Variants in PDCD1LG2 observed in about 807,000 individuals in gnomAD.
PDCD1LG2 encodes programmed cell death 1 ligand 2.
PDCD1LG2 carries 32 observed loss-of-function variants against 28.2 expected under a neutral mutation model. The observed-to-expected ratio is 1.13, with a 90% CI of 0.86 to 1.52. The LOEUF (loss-of-function observed/expected upper bound fraction) is 1.52, where lower values mean the gene tolerates loss of function less well. Ranked by LOEUF, PDCD1LG2 falls within the 40% of genes most tolerant of loss-of-function variation. PDCD1LG2 has a pLI of 0.00. For synonymous variants in PDCD1LG2, 116 were observed against 120.2 expected (o/e 0.97, Z 0.23); for missense variants, 385 against 323.8 (o/e 1.19, Z -1.45).
At chr9:5,558,429 T>C (rs1296486041) in intron 5 of PDCD1LG2, among the ~76,000 whole-genome samples, 4 of 152,218 alleles carry the variant, frequency 2.6e-5, no homozygotes, top group African/African-American at 9.7e-5. Flanking sequence ...TTTGGTTTCC[T>C]GGGTGGAGCC....
chr9:5,517,161 A>T (rs894006716), intron 1 of PDCD1LG2, among the ~76,000 whole-genome samples: 1 of 152,228 alleles, frequency 6.6e-6, no homozygotes, highest in African/African-American at 2.4e-5. Context: ...GGGAGAAAAG[A>T]TGACTAAGGA....
chr9:5,524,598 AAT>A (rs1441086559), intron 2 of PDCD1LG2, among the ~76,000 whole-genome samples: 1 of 152,026 alleles, frequency 6.6e-6, no homozygotes, highest in Non-Finnish European at 1.5e-5. Context: ...ATGTCTCTTT[AAT>A]TAAAGAGTTT....
intron 2 of PDCD1LG2, among the ~76,000 whole-genome samples, chr9:5,526,990 G>A (rs766742078): frequency 6.6e-6 from 1 of 151,116 alleles, no homozygotes; most frequent in African/African-American, 2.4e-5. Flanking sequence ...AGACTGTGAT[G>A]AAAGTTGCCT....
intron 1 of PDCD1LG2, among the ~76,000 whole-genome samples, chr9:5,521,570 G>A (rs907276975): frequency 6.6e-6 from 1 of 152,086 alleles, no homozygotes; most frequent in Non-Finnish European, 1.5e-5. Context: ...CGATCTCACT[G>A]CTTGTAATCT....
At chr9:5,534,558 G>A (rs1194055245) in intron 2 of PDCD1LG2, among the ~76,000 whole-genome samples, 187 bp from the exon 3 acceptor site, 3 of 152,150 alleles carry the variant, frequency 2.0e-5, no homozygotes, top group Non-Finnish European at 4.4e-5. Context: ...TCAGATCAGC[G>A]GGTCAAGAAT....
At chr9:5,560,514 C>A (rs1451282913) in intron 5 of PDCD1LG2, among the ~76,000 whole-genome samples, 1 of 152,214 alleles carries the variant, frequency 6.6e-6, no homozygotes, top group Non-Finnish European at 1.5e-5. Flanking sequence ...GGTTCCCCAA[C>A]ACATGCTCTG....
intron 1 of PDCD1LG2, among the ~76,000 whole-genome samples, chr9:5,514,772 G>GAAAAAAAAAAAAAAAAAA (rs60002651): frequency 3.2e-5 from 2 of 62,376 alleles, no homozygotes; most frequent in Non-Finnish European, 3.3e-5. Context: ...AGTCTCTAAA[G>GAAAAAAAAAAAAAAAAAA]AAAAAAAAAA....
intron 3 of PDCD1LG2, among the ~76,000 whole-genome samples, chr9:5,535,727 A>G (rs1191267105): frequency 6.6e-6 from 1 of 152,130 alleles, no homozygotes; most frequent in Admixed American, 6.5e-5. Flanking sequence ...GAAGTAGCTG[A>G]GATCCAGAGA....
chr9:5,569,542 G>A lies in PDCD1LG2; in HGVS notation c.817-412G>A, dbSNP rs1419881186. On this transcript the variant is annotated intron_variant, in intron 6 of 6. Coordinates refer to ENST00000397747, the MANE Select transcript of PDCD1LG2 (RefSeq NM_025239.4). The surrounding 1 kb of genome is among the most constrained non-coding windows in gnomAD (Gnocchi z 4.1). Reference sequence around the variant, plus strand: ...AGCCCAGTCAAAGACAGAGGGAGGAGCCCAGTGATGCAGTCTGCAATGTCA... The same window carrying A: ...AGCCCAGTCAAAGACAGAGGGAGGAACCCAGTGATGCAGTCTGCAATGTCA... 1.3e-5 allele frequency among the ~76,000 whole-genome samples: 2 copies of A among 152,178 alleles called. No homozygotes were observed. Among genetic ancestry groups the A allele is most frequent in the Non-Finnish European group, 2.9e-5 (2 of 68,040 alleles).
At chr9:5,557,527 C>T (rs568007978) in intron 4 of PDCD1LG2, 91 bp from the exon 5 acceptor site, 52 of 1,434,360 alleles carry the variant, frequency 3.6e-5, no homozygotes, top group Middle Eastern at 2.2e-4. Flanking sequence ...CAGAGCTAGC[C>T]GTGTTGGCTG....
intron 2 of PDCD1LG2, among the ~76,000 whole-genome samples, chr9:5,533,815 C>T (rs929887593): frequency 4.0e-5 from 6 of 151,602 alleles, no homozygotes; most frequent in African/African-American, 1.2e-4. Context: ...CTGCTTGGAG[C>T]CAGTTTCCTC....
In PDCD1LG2 at chr9:5,570,247, G is replaced by C. The variant is rs1816745581; in HGVS notation, c.*288G>C. ...TCCTGGACCCACAGAATTCCTTCAG[G>C]ATCCTTCTTGCTGCCAGACTGAAAG... On this transcript the variant is annotated 3_prime_UTR_variant, in exon 7 of 7. Transcript: ENST00000397747. The C allele has an allele frequency of 2.7e-6, 1 of 365,380 alleles. No homozygotes were observed. The highest frequency in any genetic ancestry group is 2.1e-5 in the African/African-American group (1 of 48,438). 22.6% of individuals were successfully genotyped at this position (365,380 alleles called of 1,614,324 possible).
intron 4 of PDCD1LG2, among the ~76,000 whole-genome samples, chr9:5,556,337 A>T (rs1022964845): frequency 1.3e-5 from 2 of 152,216 alleles, no homozygotes; most frequent in Admixed American, 6.5e-5. Context: ...GATTATAATC[A>T]ATATGGGTTA....
intron 6 of PDCD1LG2, among the ~76,000 whole-genome samples, chr9:5,567,497 A>C (rs1404558455): frequency 6.6e-6 from 1 of 152,222 alleles, no homozygotes; most frequent in Non-Finnish European, 1.5e-5. Flanking sequence ...GTGGATTATG[A>C]TACCATAGAT....
chr9:5,531,189 C>T (rs1820477282), intron 2 of PDCD1LG2, among the ~76,000 whole-genome samples: 1 of 152,240 alleles, frequency 6.6e-6, no homozygotes, highest in African/African-American at 2.4e-5. Context: ...TTGAGGCCCT[C>T]TGCTTAGTGA....
chr9:5,550,545 T>C (rs1209709878), intron 4 of PDCD1LG2, among the ~76,000 whole-genome samples: 1 of 152,172 alleles, frequency 6.6e-6, no homozygotes, highest in East Asian at 1.9e-4. Flanking sequence ...GTCAGCAGGA[T>C]TGCAGAGGCC....
chr9:5,549,629 G>A, intron 4 of PDCD1LG2, 25 bp downstream of exon 4: 2 of 1,612,648 alleles, frequency 1.2e-6, no homozygotes, highest in South Asian at 1.1e-5. Context: ...CACTTCCTAG[G>A]TCTATCAGTT....
chr9:5,514,048 A>G (rs1219794427), intron 1 of PDCD1LG2, among the ~76,000 whole-genome samples: 1 of 152,218 alleles, frequency 6.6e-6, no homozygotes, highest in Admixed American at 6.5e-5. Flanking sequence ...GAAGAGGCAA[A>G]TGGGATAAGA....
intron 2 of PDCD1LG2, among the ~76,000 whole-genome samples, chr9:5,534,104 A>T (rs555356417): frequency 2.0e-5 from 3 of 152,190 alleles, no homozygotes; most frequent in Admixed American, 6.6e-5. Flanking sequence ...TCTGAAAAAA[A>T]GGATAGAATA....
Sources: gnomAD v4.1 joint callset for allele counts (sites outside exome capture counted in the v4.1 genomes callset) on GRCh38, gnomAD v4.1.1 for gene constraint, Gnocchi (gnomAD v3.1) non-coding constraint, MANE v1.5 for transcripts, NCBI Gene and HGNC (gene_info 2026-07-23, HGNC 2026-07-21) for gene names.